The following SSH2 variants were observed in gnomAD, a reference collection of about 807,000 sequenced individuals.
SSH2 encodes slingshot protein phosphatase 2.
A neutral mutation model predicts 135.2 loss-of-function variants in SSH2; 37 were observed. The ratio of observed to expected loss-of-function variants is 0.27; its 90% CI spans 0.21 to 0.36. The LOEUF is 0.36. SSH2 is among the 10% of genes least tolerant of loss of function. The pLI, the probability that SSH2 is intolerant of heterozygous loss-of-function variation, is 1.00. For missense variants in SSH2, 1,408 were observed against 1,765.3 expected (o/e 0.80, Z 3.63); for synonymous variants, 628 against 646.2 (o/e 0.97, Z 0.43).
chr17:29,656,912 T>C (rs1168917152), intron 11 of SSH2, among the ~76,000 whole-genome samples: 1 of 152,220 alleles, frequency 6.6e-6, no homozygotes, highest in Non-Finnish European at 1.5e-5. Context: ...CCCCAAAATG[T>C]CCTTTATATT....
chr17:29,851,143 C>T (rs1267368250), intron 1 of SSH2, among the ~76,000 whole-genome samples: 3 of 151,806 alleles, frequency 2.0e-5, no homozygotes, highest in East Asian at 1.9e-4. Context: ...TTCTGGAACT[C>T]GTATTAGGAA....
At chr17:29,927,020 A>G (rs2067080639) in intron 1 of SSH2, among the ~76,000 whole-genome samples, 1 of 152,202 alleles carries the variant, frequency 6.6e-6, no homozygotes, top group Non-Finnish European at 1.5e-5. Flanking sequence ...ATATTCCTTA[A>G]TAACTCTGCC....
intron 2 of SSH2, among the ~76,000 whole-genome samples, chr17:29,813,612 G>A (rs901133145): frequency 1.3e-5 from 2 of 150,288 alleles, no homozygotes; most frequent in Admixed American, 1.3e-4. Context: ...GAGGTCAGGA[G>A]TTCGAGACCA....
At position 29,636,792 on chromosome 17, in the gene SSH2, G is replaced by T. The variant is rs2035933425; in HGVS notation, c.1438C>A (p.His480Asn). The change falls in exon 15 of 16, where the codon CAT (histidine) becomes AAT (asparagine). Residue 480 changes from histidine to asparagine, a missense_variant. Coordinates refer to ENST00000540801, the MANE Select transcript of SSH2 (RefSeq NM_001282129.2). ...GAATGAGATCTCCATAGTTTGTTAT[G>T]CCGCTGTTTGCTGTGGAGGACATAC... ...QGILLASKQR[H>N]NKLWRSHSDS... is the part of the protein sequence containing the mutation. 1.2e-6 allele frequency: 2 copies of T among 1,606,200 alleles called. No individual in the cohort carries two copies. The highest frequency in any genetic ancestry group is 1.7e-6 in the Non-Finnish European group (2 of 1,174,774).
At chr17:29,722,981 C>T (rs1360664505) in intron 3 of SSH2, among the ~76,000 whole-genome samples, 2 of 152,178 alleles carry the variant, frequency 1.3e-5, no homozygotes, top group African/African-American at 4.8e-5. Flanking sequence ...TATGAGCTAC[C>T]CCTCTTCCCA....
intron 3 of SSH2, among the ~76,000 whole-genome samples, chr17:29,756,188 G>C (rs1167726801): frequency 2.0e-5 from 3 of 150,782 alleles, no homozygotes; most frequent in Non-Finnish European, 4.4e-5. Flanking sequence ...CAAAAGAATC[G>C]CTTGAACCCA....
chr17:29,815,065 C>G (rs867648520), intron 2 of SSH2, among the ~76,000 whole-genome samples: 1 of 148,948 alleles, frequency 6.7e-6, no homozygotes, highest in African/African-American at 2.5e-5. Context: ...TCTCTTGCTT[C>G]GGCTACCCAA....
chr17:29,783,096 C>A (rs1598991229), intron 3 of SSH2, among the ~76,000 whole-genome samples: 1 of 151,810 alleles, frequency 6.6e-6, no homozygotes, highest in East Asian at 1.9e-4. Flanking sequence ...TTGGTTGGCT[C>A]AGAGATAAAA....
At chr17:29,758,657 GA>G (rs1567953685) in intron 3 of SSH2, among the ~76,000 whole-genome samples, 2 of 151,874 alleles carry the variant, frequency 1.3e-5, no homozygotes, top group Admixed American at 6.6e-5. Context: ...TAATTAGTAG[GA>G]AAAAAAATTT....
chr17:29,638,359 T>TAA (rs1005862277), intron 14 of SSH2, among the ~76,000 whole-genome samples: 3 of 142,134 alleles, frequency 2.1e-5, no homozygotes, highest in African/African-American at 2.6e-5. Context: ...TACTATTCAG[T>TAA]AAAAAAAAAA....
At chr17:29,709,011 TATATAGAG>T (rs1250655685) in intron 3 of SSH2, among the ~76,000 whole-genome samples, 16 of 96,766 alleles carry the variant, frequency 1.7e-4, no homozygotes, top group South Asian at 7.5e-4. Flanking sequence ...TATATATATA[TATATAGAG>T]AGAGAGAGAG....
rs184776577 is a variant in SSH2, at chr17:29,702,067, T to C, written c.292+892A>G. 3.6e-3 allele frequency among the ~76,000 whole-genome samples: 549 copies of C among 151,912 alleles called. 2 individuals are homozygous for C. Among genetic ancestry groups the C allele is most frequent in the African/African-American group, 0.013 (530 of 41,420 alleles). On this transcript the variant is annotated intron_variant, in intron 4 of 15. Coordinates refer to ENST00000540801, the MANE Select transcript of SSH2 (RefSeq NM_001282129.2). ...TAATCTGAACACTCAAAACCTTAAC[T>C]GAGGGCTGGGTGCGGGGACTCACAC... is the stretch of plus-strand genomic sequence containing the variant.
Position 29,631,322 on chromosome 17 carries a change from C to T in SSH2, c.3872G>A (p.Gly1291Asp), listed in dbSNP as rs1377823776. ...MRRSASLAKLGYLDLCKDCLP... is the reference protein window; with the variant it reads ...MRRSASLAKLDYLDLCKDCLP... ...GCAGTCTTTACAGAGGTCCAAGTAA[C>T]CTAATTTGGCGAGAGAAGCTGAGCG... Residue 1291 changes from glycine (G) to aspartate (D), a missense_variant, in exon 16 of 16, where the codon GGT (glycine) becomes GAT (aspartate). Gly to Asp is a moderately conservative substitution (Grantham distance 94). Coordinates refer to ENST00000540801, the MANE Select transcript of SSH2 (RefSeq NM_001282129.2). 3.1e-6 allele frequency: 5 copies of T among 1,614,046 alleles called. No individual in the cohort carries two copies. In the African/African-American group the frequency reaches 5.3e-5, roughly 17 times the overall value.
chr17:29,743,427 A>C (rs2040639227), intron 3 of SSH2, among the ~76,000 whole-genome samples: 2 of 151,740 alleles, frequency 1.3e-5, no homozygotes, highest in East Asian at 1.9e-4. Context: ...TTTTTTAAGC[A>C]TAACGAACTT....
At chr17:29,770,539 C>G (rs2041559797) in intron 3 of SSH2, among the ~76,000 whole-genome samples, 1 of 150,844 alleles carries the variant, frequency 6.6e-6, no homozygotes, top group African/African-American at 2.4e-5. Context: ...GTGGCATGAT[C>G]TTTGCTCACT....
chr17:29,773,048 TCCATCCATCCATCATCCAC>T (rs1233566459), intron 3 of SSH2, among the ~76,000 whole-genome samples: 130 of 150,902 alleles, frequency 8.6e-4, no homozygotes, highest in African/African-American at 2.9e-3. Flanking sequence ...CATCCATCCA[TCCATCCATCCATCATCCAC>T]CCATCCATCC....
At chr17:29,848,639 C>T (rs1479294386) in intron 2 of SSH2, among the ~76,000 whole-genome samples, 1 of 152,128 alleles carries the variant, frequency 6.6e-6, no homozygotes, top group African/African-American at 2.4e-5. Flanking sequence ...TTTGAGTGGT[C>T]ATTGCCATGG....
chr17:29,894,916 C>G (rs181503930), intron 1 of SSH2, among the ~76,000 whole-genome samples: 2 of 148,662 alleles, frequency 1.3e-5, no homozygotes, highest in East Asian at 4.0e-4. Context: ...TCTGATCATA[C>G]TTAAATTCTT....
intron 1 of SSH2, among the ~76,000 whole-genome samples, chr17:29,900,977 T>C (rs2066540254): frequency 6.6e-6 from 1 of 152,118 alleles, no homozygotes; most frequent in African/African-American, 2.4e-5. Context: ...ATGTCCTTTG[T>C]AGGGACATGG....
Sources: allele counts gnomAD v4.1 joint callset (sites outside exome capture counted in the v4.1 genomes callset), GRCh38; gene constraint gnomAD v4.1.1; transcripts MANE v1.5; gene names NCBI Gene and HGNC (gene_info 2026-07-23, HGNC 2026-07-21).